Variants in CGGBP1 observed in about 807,000 individuals in gnomAD.
The protein encoded by CGGBP1 is CGG triplet repeat binding protein 1, also known as CGG triplet repeat-binding protein 1.
In CGGBP1, 4 loss-of-function variants were observed where a neutral mutation model predicts 11.4. The ratio of observed to expected loss-of-function variants is 0.35; its 90% CI spans 0.17 to 0.80. The LOEUF is 0.80. Ranked by LOEUF, CGGBP1 falls within the 30% of genes least tolerant of loss-of-function variation. The pLI, the probability that CGGBP1 is intolerant of heterozygous loss-of-function variation, is 0.52. For synonymous variants in CGGBP1, 76 were observed against 74.1 expected (o/e 1.03, Z -0.13); for missense variants, 135 against 202.1 (o/e 0.67, Z 2.01).
intron 2 of CGGBP1, among the ~76,000 whole-genome samples, chr3:88,109,755 T>C (rs1704977203): frequency 6.6e-6 from 1 of 152,178 alleles, no homozygotes; most frequent in South Asian, 2.1e-4. Context: ...TAACTTACAA[T>C]TTGGACTAAA....
At chr3:88,107,217 T>C (rs149613404) in intron 2 of CGGBP1, among the ~76,000 whole-genome samples, 5 of 152,324 alleles carry the variant, frequency 3.3e-5, no homozygotes, top group Middle Eastern at 3.4e-3. Flanking sequence ...TAAAATGGCA[T>C]TGGAACACTA....
chr3:88,055,797 G>A lies in CGGBP1; in HGVS notation c.180C>T (p.Asp60=). Residue 60 remains aspartate (D), a synonymous_variant, in exon 4 of 4, where the codon GAC becomes GAT. Transcript: ENST00000482016. The surrounding 1 kb of genome is among the most constrained non-coding windows in gnomAD (Gnocchi z 4.2). ...TGGTATGAGTCTTTGACTTGAGGTG[G>A]TCACTAATGGCAGACTTGCGAACAT... is the stretch of plus-strand genomic sequence containing the variant. ...LNHVRKSAIS[D]HLKSKTHTKR... 3.1e-6 allele frequency: 5 copies of A among 1,614,162 alleles called. No individual in the cohort carries two copies. The highest frequency in any genetic ancestry group is 4.2e-6 in the Non-Finnish European group (5 of 1,180,026).
In CGGBP1 at chr3:88,052,817, G is replaced by A. The variant is rs1332038954; in HGVS notation, c.*2656C>T. 2 of 152,484 alleles carry A rather than the reference G, an allele frequency of 1.3e-5. No homozygotes were observed. The highest frequency in any genetic ancestry group is 2.9e-5 in the Non-Finnish European group (2 of 67,972). The allele number at this position is 152,484 out of a possible 1,614,324, so 9.4% of individuals were successfully genotyped here. A position where few individuals can be genotyped will look rare whatever the true frequency, so the allele number is the denominator to read the frequency against. On this transcript the variant is annotated 3_prime_UTR_variant, in exon 4 of 4. Transcript: ENST00000482016. ...TCACCTTGTAAGAAATGATTACAATGTCCTTCAGGCTTGTTATACACCCCC... is the reference window on the plus strand; with the variant it reads ...TCACCTTGTAAGAAATGATTACAATATCCTTCAGGCTTGTTATACACCCCC...
At chr3:88,138,540 A>G (rs182105516) in intron 2 of CGGBP1, among the ~76,000 whole-genome samples, 389 of 152,320 alleles carry the variant, frequency 2.6e-3, no homozygotes, top group African/African-American at 9.1e-3. Flanking sequence ...AGAGAAAGGT[A>G]TATATTTAAA....
intron 2 of CGGBP1, among the ~76,000 whole-genome samples, chr3:88,099,473 C>G (rs570786113): frequency 9.1e-4 from 138 of 152,288 alleles, no homozygotes; most frequent in Non-Finnish European, 1.9e-3. Context: ...TTGGAAAAAA[C>G]TACTTTAAAG....
chr3:88,071,954 G>T (rs915815956), intron 2 of CGGBP1, among the ~76,000 whole-genome samples: 1 of 152,182 alleles, frequency 6.6e-6, no homozygotes, highest in African/African-American at 2.4e-5. Context: ...CTCATAAAAT[G>T]CTGTATTTTT....
At chr3:88,140,352 A>T (rs1441083452) in intron 2 of CGGBP1, 1 of 1,613,246 alleles carries the variant, frequency 6.2e-7, no homozygotes, top group Non-Finnish European at 8.5e-7. Context: ...CTCAAATCCT[A>T]ATCAGGAAAA....
intron 2 of CGGBP1, among the ~76,000 whole-genome samples, chr3:88,120,603 A>G (rs1187192787): frequency 6.6e-6 from 1 of 152,184 alleles, no homozygotes; most frequent in Admixed American, 6.5e-5. Flanking sequence ...AAACACAAAT[A>G]TAAAAACAAA....
chr3:88,092,283 C>G (rs1457747180), intron 2 of CGGBP1, among the ~76,000 whole-genome samples: 1 of 152,122 alleles, frequency 6.6e-6, no homozygotes, highest in East Asian at 1.9e-4. Context: ...TTCTGTAAAG[C>G]TCTGCTTGCT....
chr3:88,114,117 A>G (rs576479077), intron 2 of CGGBP1, among the ~76,000 whole-genome samples: 20 of 152,182 alleles, frequency 1.3e-4, no homozygotes, highest in Non-Finnish European at 2.6e-4. Context: ...GCAAAACAGA[A>G]AAAATCTTCC....
chr3:88,054,287 G>A lies in CGGBP1; in HGVS notation c.*1186C>T, dbSNP rs1385391139. ...TTGGGTCTCTGATAGAACTTAGCTG[G>A]GCTAAGCTACTTGGATAACCTTACA... On this transcript the variant is annotated 3_prime_UTR_variant, in exon 4 of 4. Transcript: ENST00000482016. 6.6e-6 allele frequency: 1 copy of A among 152,278 alleles called. No individual in the cohort carries two copies. Among genetic ancestry groups the A allele is most frequent in the Non-Finnish European group, 1.5e-5 (1 of 67,978 alleles). The allele number at this position is 152,278 out of a possible 1,614,324, so 9.4% of individuals were successfully genotyped here. A position where few individuals can be genotyped will look rare whatever the true frequency, so the allele number is the denominator to read the frequency against.
chr3:88,064,413 T>C (rs1473978891), intron 2 of CGGBP1, among the ~76,000 whole-genome samples: 2 of 152,222 alleles, frequency 1.3e-5, no homozygotes, highest in African/African-American at 4.8e-5. Context: ...ACCCTCTTTG[T>C]GTCCAAATGT....
rs760160778 is a variant in CGGBP1 at position 88,086,424 on chromosome 3, T to G, written c.-228-28201A>C. 3 of 1,457,698 alleles carry G rather than the reference T, an allele frequency of 2.1e-6. No homozygotes were observed. The South Asian group carries it at 4.1e-5, about 20-fold the overall frequency. 90.3% of individuals were successfully genotyped at this position (1,457,698 alleles called of 1,614,324 possible). On this transcript the variant is annotated intron_variant, in intron 2 of 3. Coordinates refer to the CGGBP1 transcript ENST00000462901. Reference sequence around the variant, plus strand: ...CTGTGTAAGTACTTTTTACTTCTTATAAATGCATTATTTTTCTTGATGTGT... The same window carrying G: ...CTGTGTAAGTACTTTTTACTTCTTAGAAATGCATTATTTTTCTTGATGTGT...
intron 2 of CGGBP1, among the ~76,000 whole-genome samples, chr3:88,119,560 A>C (rs1233432582): frequency 5.9e-5 from 9 of 152,024 alleles, no homozygotes; most frequent in East Asian, 1.9e-4. Context: ...AAAAAAAAAA[A>C]AACAATAATT....
intron 2 of CGGBP1, chr3:88,126,094 C>T: frequency 1.4e-6 from 2 of 1,421,762 alleles, no homozygotes; most frequent in Non-Finnish European, 9.2e-7. Context: ...GTTTTTAACC[C>T]CTTTAAATTC....
At chr3:88,113,848 A>G (rs1447991698) in intron 2 of CGGBP1, among the ~76,000 whole-genome samples, 4 of 152,150 alleles carry the variant, frequency 2.6e-5, no homozygotes, top group African/African-American at 9.7e-5. Flanking sequence ...CCATGGTGTT[A>G]AAGGCTTATA....
chr3:88,094,911 G>T (rs887917335), intron 2 of CGGBP1, among the ~76,000 whole-genome samples: 14 of 151,996 alleles, frequency 9.2e-5, no homozygotes, highest in Non-Finnish European at 1.5e-4. Flanking sequence ...AAATGCTTCT[G>T]TAATGATAAA....
intron 2 of CGGBP1, among the ~76,000 whole-genome samples, chr3:88,133,209 C>T (rs1159363135): frequency 3.3e-5 from 5 of 152,072 alleles, no homozygotes; most frequent in Non-Finnish European, 5.9e-5. Flanking sequence ...GAGACATGGC[C>T]ACTGGTTTTC....
At chr3:88,140,783 A>G (rs1247574847) in intron 2 of CGGBP1, 1 of 1,613,660 alleles carries the variant, frequency 6.2e-7, no homozygotes. Flanking sequence ...AACATACTTC[A>G]TATGGCTTAA....
Sources: gnomAD v4.1 joint callset for allele counts (sites outside exome capture counted in the v4.1 genomes callset) on GRCh38, gnomAD v4.1.1 for gene constraint, Gnocchi (gnomAD v3.1) non-coding constraint, MANE v1.5 for transcripts, NCBI Gene and HGNC (gene_info 2026-07-23, HGNC 2026-07-21) for gene names.